Variants in RGS6 observed in about 807,000 individuals in gnomAD.
The protein encoded by RGS6 is regulator of G-protein signaling 6.
Under a neutral mutation model 78.5 loss-of-function variants are expected in RGS6, and 30 were observed. The ratio of observed to expected loss-of-function variants is 0.38; its 90% CI spans 0.29 to 0.52. The LOEUF (loss-of-function observed/expected upper bound fraction) is 0.52. Among genes scored for constraint, RGS6 ranks in the 20% least tolerant of loss-of-function variants. RGS6 has a pLI of 0.85. For synonymous variants in RGS6, 206 were observed against 206.0 expected, an observed-to-expected ratio of 1.00 and a Z score of 0.00; for missense variants, 495 against 609.7, an observed-to-expected ratio of 0.81 and a Z score of 1.98.
chr14:72,329,065 C>T lies in RGS6; in HGVS notation c.85-23030C>T, dbSNP rs143757803. ...TTTTTATATTTTTTAGTAGAGATGG[C>T]GTTTCACCATGTTGGTCAGGCTGGT... is the stretch of plus-strand genomic sequence containing the variant. On this transcript the variant is annotated intron_variant, in intron 2 of 17. Transcript: ENST00000553525. Among the ~76,000 whole-genome samples, 417 of 152,154 alleles carry T rather than the reference C, an allele frequency of 2.7e-3. 2 individuals carry two copies. The highest frequency in any genetic ancestry group is 0.01 in the Middle Eastern group (3 of 294).
rs2097694611 is a variant in RGS6, at chr14:72,563,268, T to C, written c.*801T>C. On this transcript the variant is annotated 3_prime_UTR_variant, in exon 18 of 18. Transcript: ENST00000553525. ...CATCTTTTAGAAAATTATTTCATAA[T>C]TTATTCTGGCTTTGCCCCCTTGCTC... The C allele has an allele frequency of 1.2e-5, 2 of 160,958 alleles. No individual in the cohort carries two copies. Among genetic ancestry groups the C allele is most frequent in the South Asian group, 3.6e-4 (2 of 5,546 alleles). 10.0% of individuals were successfully genotyped at this position (160,958 alleles called of 1,614,324 possible). A position where few individuals can be genotyped will look rare whatever the true frequency, so the allele number is the denominator to read the frequency against.
At position 72,453,615 on chromosome 14, in the gene RGS6, CAAAA is replaced by C. The variant is rs60280790; in HGVS notation, c.185-891_185-888del. 3.8e-4 allele frequency among the ~76,000 whole-genome samples: 20 copies of C among 52,066 alleles called. 1 individual carries two copies. The highest frequency in any genetic ancestry group is 1.2e-3 in the African/African-American group (18 of 15,116). 34.2% of individuals were successfully genotyped at this position (52,066 alleles called of 152,430 possible). On this transcript the variant is annotated intron_variant, in intron 3 of 17. Coordinates refer to ENST00000553525, the MANE Select transcript of RGS6 (RefSeq NM_001204424.2). ...TGGGCGACAGAGCGAGACTCCGTCT[CAAAA>C]AAAAAAAAAAAAAAAAAAAAAGTTC...
At chr14:72,255,133 G>A (rs916496795) in intron 2 of RGS6, among the ~76,000 whole-genome samples, 10 of 152,138 alleles carry the variant, frequency 6.6e-5, no homozygotes, top group South Asian at 4.1e-4. Flanking sequence ...CTTTATTGTC[G>A]TCTCCAGGGA....
chr14:72,212,100 G>A (rs1447622450), intron 2 of RGS6, among the ~76,000 whole-genome samples: 1 of 152,134 alleles, frequency 6.6e-6, no homozygotes, highest in African/African-American at 2.4e-5. Flanking sequence ...ACAGATGTTG[G>A]TGTGCCTGAG....
chr14:72,268,924 G>A (rs1479085613), intron 2 of RGS6, among the ~76,000 whole-genome samples: 1 of 152,166 alleles, frequency 6.6e-6, no homozygotes, highest in African/African-American at 2.4e-5. Flanking sequence ...TAAGTGACTT[G>A]CCCAGTAACA....
intron 17 of RGS6, among the ~76,000 whole-genome samples, chr14:72,551,098 C>T (rs2097500490): frequency 6.6e-6 from 1 of 152,148 alleles, no homozygotes; most frequent in Non-Finnish European, 1.5e-5. Context: ...CCTCGGCCTC[C>T]CAAAGTGCTG....
intron 2 of RGS6, among the ~76,000 whole-genome samples, chr14:72,338,328 A>C (rs770960319): frequency 5.3e-5 from 8 of 152,220 alleles, no homozygotes; most frequent in Non-Finnish European, 7.3e-5. Context: ...CACATCTTAC[A>C]TGGTGGCAGG....
At chr14:71,959,785 G>A (rs1047748733) in intron 1 of RGS6, among the ~76,000 whole-genome samples, 4 of 152,134 alleles carry the variant, frequency 2.6e-5, no homozygotes, top group Admixed American at 1.3e-4. Context: ...AAGGTCACTG[G>A]TCAGTTTCGA....
chr14:72,107,789 G>T (rs1161966045), intron 2 of RGS6, among the ~76,000 whole-genome samples: 29 of 152,004 alleles, frequency 1.9e-4, no homozygotes, highest in Non-Finnish European at 1.0e-4. Context: ...GATTCTCAAG[G>T]ACATAGAGTA....
At chr14:72,286,310 G>A (rs34870583) in intron 2 of RGS6, among the ~76,000 whole-genome samples, 102,547 of 152,080 alleles carry the variant, frequency 0.67, 34,912 homozygotes, top group East Asian at 0.87. Flanking sequence ...TTGAAGATCA[G>A]TTGACTGTAT....
chr14:72,243,216 T>G (rs847256), intron 2 of RGS6, among the ~76,000 whole-genome samples: 136,308 of 152,036 alleles, frequency 0.9, 61,258 homozygotes, highest in South Asian at 0.93. Flanking sequence ...TACACTATTT[T>G]GGATAAATAG....
At chr14:72,398,402 C>G (rs1265789284) in intron 3 of RGS6, among the ~76,000 whole-genome samples, 2 of 152,164 alleles carry the variant, frequency 1.3e-5, no homozygotes, top group Non-Finnish European at 2.9e-5. Context: ...GTGATATCCC[C>G]TTTATCATTT....
At chr14:72,546,242 ACT>A (rs1230825202) in intron 17 of RGS6, among the ~76,000 whole-genome samples, 2 of 151,710 alleles carry the variant, frequency 1.3e-5, no homozygotes, top group Non-Finnish European at 2.9e-5. Flanking sequence ...TCTTATCTTG[ACT>A]CTGTGTGAAA....
the RGS6 span, among the ~76,000 whole-genome samples, chr14:71,890,058 T>C: frequency 6.6e-6 from 1 of 152,086 alleles, no homozygotes; most frequent in Admixed American, 6.5e-5. Context: ...CCCCCAGAAG[T>C]GGATGCCACC....
intron 2 of RGS6, among the ~76,000 whole-genome samples, chr14:72,198,245 C>G (rs1164017056): frequency 1.3e-5 from 2 of 152,144 alleles, no homozygotes; most frequent in Non-Finnish European, 2.9e-5. Flanking sequence ...CCCAGCTACT[C>G]AGGAGGCTGA....
intron 6 of RGS6, among the ~76,000 whole-genome samples, chr14:72,460,312 C>T (rs1008458330): frequency 2.6e-5 from 4 of 152,182 alleles, no homozygotes; most frequent in East Asian, 1.9e-4. Context: ...GTTTTATTAT[C>T]GCTATGCTTA....
rs372208978 is a variant in RGS6 at position 72,335,459 on chromosome 14, C to G, written c.85-16636C>G. On this transcript the variant is annotated intron_variant, in intron 2 of 17. Coordinates refer to ENST00000553525, the MANE Select transcript of RGS6 (RefSeq NM_001204424.2). ...CAAGTCCCCTTTCCAAACTGACTTG[C>G]ATTTTAAGATGGAAAAGTGACTCCC... Among the ~76,000 whole-genome samples, 76 of 152,264 alleles carry G rather than the reference C, an allele frequency of 5.0e-4. 1 individual carries two copies. In the South Asian group the frequency reaches 0.015, roughly 31 times the overall value.
chr14:72,180,473 T>C (rs2097159927), intron 2 of RGS6, among the ~76,000 whole-genome samples: 1 of 152,266 alleles, frequency 6.6e-6, no homozygotes, highest in African/African-American at 2.4e-5. Context: ...CATAGCATTT[T>C]GTACTACCCT....
intron 2 of RGS6, among the ~76,000 whole-genome samples, chr14:72,254,581 A>G (rs1021232018): frequency 1.3e-5 from 2 of 152,030 alleles, no homozygotes; most frequent in Admixed American, 6.6e-5. Flanking sequence ...TTATTGTCCA[A>G]TTTTAGCCTA....
Sources: allele counts gnomAD v4.1 joint callset (sites outside exome capture counted in the v4.1 genomes callset), GRCh38; gene constraint gnomAD v4.1.1; transcripts MANE v1.5; gene names NCBI Gene and HGNC (gene_info 2026-07-23, HGNC 2026-07-21).